SHANK2: variants seen among roughly 807,000 people sequenced by gnomAD.
SHANK2 encodes SH3 and multiple ankyrin repeat domains 2.
A neutral mutation model predicts 133.7 loss-of-function variants in SHANK2; 43 were observed. The ratio of observed to expected loss-of-function variants is 0.32; its 90% CI spans 0.25 to 0.41. The LOEUF is 0.41. Among genes scored for constraint, SHANK2 ranks in the 10% least tolerant of loss-of-function variants. The pLI, the probability that SHANK2 is intolerant of heterozygous loss-of-function variation, is 1.00. For missense variants in SHANK2, 1,994 were observed against 2,235.8 expected (o/e 0.89, Z 2.18); for synonymous variants, 1,017 against 952.8 (o/e 1.07, Z -1.24).
rs548662966 is a variant in SHANK2 at position 71,168,259 on chromosome 11, G to C, written c.-12-20921C>G. Among the ~76,000 whole-genome samples the C allele has an allele frequency of 2.2e-4, 30 of 135,860 alleles. 5 individuals are homozygous for C. The highest frequency in any genetic ancestry group is 8.5e-4 in the African/African-American group (29 of 33,966). 89.1% of individuals were successfully genotyped at this position (135,860 alleles called of 152,430 possible). The stretch of plus-strand genomic sequence containing the variant: ...GGGCAGAGACGCTCCTCACTTCCCA[G>C]ATGGGATGGCGGCTGGGAAGAGGCA... On this transcript the variant is annotated intron_variant, in intron 2 of 25. Coordinates refer to ENST00000601538, the MANE Select transcript of SHANK2 (RefSeq NM_012309.5).
intron 9 of SHANK2, among the ~76,000 whole-genome samples, chr11:71,073,141 T>C (rs1486721491): frequency 1.1e-5 from 1 of 92,594 alleles, no homozygotes; most frequent in Non-Finnish European, 2.6e-5. Context: ...TTTTTCTTTT[T>C]CTTTTCTTTT....
At chr11:70,782,350 C>G (rs1455001828) in intron 14 of SHANK2, among the ~76,000 whole-genome samples, 1 of 152,234 alleles carries the variant, frequency 6.6e-6, no homozygotes, top group East Asian at 1.9e-4. Context: ...AGCCACCGCG[C>G]CCAGCCTTAA....
At chr11:70,563,624 C>T (rs538568715) in intron 17 of SHANK2, among the ~76,000 whole-genome samples, 54 of 149,620 alleles carry the variant, frequency 3.6e-4, no homozygotes, top group African/African-American at 9.1e-4. Flanking sequence ...CCGCAACCTC[C>T]GCCTCCTGGA....
chr11:71,249,261 T>C (rs1484213273), intron 1 of SHANK2, among the ~76,000 whole-genome samples: 1 of 152,150 alleles, frequency 6.6e-6, no homozygotes, highest in Non-Finnish European at 1.5e-5. Context: ...TCTGGAGCGA[T>C]CCTCCCTTCT....
chr11:70,631,408 A>ACACACACCCC (rs1555002113), intron 17 of SHANK2, among the ~76,000 whole-genome samples: 8 of 148,800 alleles, frequency 5.4e-5, no homozygotes, highest in Non-Finnish European at 1.0e-4. Flanking sequence ...ACACACACAC[A>ACACACACCCC]CCCACACAAC....
At chr11:70,919,128 T>C (rs1197920541) in intron 10 of SHANK2, among the ~76,000 whole-genome samples, 2 of 152,154 alleles carry the variant, frequency 1.3e-5, no homozygotes, top group Non-Finnish European at 1.5e-5. Context: ...CACCCCACTA[T>C]ACTCCAGCCC....
intron 3 of SHANK2, among the ~76,000 whole-genome samples, chr11:71,128,391 G>C (rs1221551892): frequency 1.5e-4 from 23 of 152,246 alleles, no homozygotes; most frequent in East Asian, 1.9e-4. Flanking sequence ...CGAGATCTCC[G>C]AGACACAAAC....
At chr11:71,131,462 G>A (rs571511023) in intron 3 of SHANK2, among the ~76,000 whole-genome samples, 3 of 152,150 alleles carry the variant, frequency 2.0e-5, no homozygotes, top group South Asian at 2.1e-4. Flanking sequence ...AACATTTTTC[G>A]CACAGTGAAA....
chr11:71,157,215 C>T (rs1298048379), intron 2 of SHANK2, among the ~76,000 whole-genome samples: 6 of 152,204 alleles, frequency 3.9e-5, no homozygotes, highest in East Asian at 3.8e-4. Context: ...AGGGAAATAA[C>T]GGCTACTTCA....
chr11:71,103,907 C>T lies in SHANK2; in HGVS notation c.592+6034G>A, dbSNP rs536905442. Among the ~76,000 whole-genome samples, 36 of 138,960 alleles carry T rather than the reference C, an allele frequency of 2.6e-4. 1 individual carries two copies. The highest frequency in any genetic ancestry group is 2.4e-3 in the Admixed American group (33 of 13,584). The allele number at this position is 138,960 out of a possible 152,430, so 91.2% of individuals were successfully genotyped here. A position where few individuals can be genotyped will look rare whatever the true frequency, so the allele number is the denominator to read the frequency against. On this transcript the variant is annotated intron_variant, in intron 6 of 25. Coordinates refer to ENST00000601538, the MANE Select transcript of SHANK2 (RefSeq NM_012309.5). ...CTCTCTCTCTCTCCTGCTTTCACCACGGGATGCACCTGCTCCTCTCTCTCT... is the reference window on the plus strand; with the variant it reads ...CTCTCTCTCTCTCCTGCTTTCACCATGGGATGCACCTGCTCCTCTCTCTCT...
intron 14 of SHANK2, among the ~76,000 whole-genome samples, chr11:70,711,961 GA>G (rs1555026240): frequency 6.6e-6 from 1 of 152,204 alleles, no homozygotes; most frequent in Admixed American, 6.5e-5. Context: ...TGCCGGCACA[GA>G]CGACCAGGCT....
chr11:70,940,406 C>T (rs938460283), intron 10 of SHANK2, among the ~76,000 whole-genome samples: 5 of 151,714 alleles, frequency 3.3e-5, no homozygotes, highest in African/African-American at 1.2e-4. Flanking sequence ...GCCACCACGC[C>T]CAGCTAATTA....
chr11:70,829,317 C>A (rs112757766), intron 11 of SHANK2, among the ~76,000 whole-genome samples: 2 of 152,102 alleles, frequency 1.3e-5, no homozygotes, highest in African/African-American at 4.8e-5. Flanking sequence ...CCAGAAAGGA[C>A]CCTCAGCGGC....
chr11:70,643,662 C>T (rs1312179811), intron 17 of SHANK2, among the ~76,000 whole-genome samples: 3 of 151,590 alleles, frequency 2.0e-5, no homozygotes, highest in Admixed American at 1.3e-4. Flanking sequence ...TTGGGAATCA[C>T]GTCGTGGTTG....
At chr11:71,218,990 C>T (rs1954476620) in intron 2 of SHANK2, among the ~76,000 whole-genome samples, 1 of 152,216 alleles carries the variant, frequency 6.6e-6, no homozygotes, top group Non-Finnish European at 1.5e-5. Flanking sequence ...CAGCATCCTA[C>T]ACAGACATCG....
intron 14 of SHANK2, among the ~76,000 whole-genome samples, chr11:70,715,987 C>A (rs782505205): frequency 8.5e-5 from 13 of 152,172 alleles, no homozygotes; most frequent in Non-Finnish European, 1.3e-4. Context: ...TCTGGAGGGG[C>A]CTCACTCTGT....
At chr11:71,108,522 T>C (rs1313908448) in intron 6 of SHANK2, among the ~76,000 whole-genome samples, 1 of 152,108 alleles carries the variant, frequency 6.6e-6, no homozygotes, top group African/African-American at 2.4e-5. Context: ...CTTCTCCAGA[T>C]GTCCCTACCA....
intron 14 of SHANK2, among the ~76,000 whole-genome samples, chr11:70,783,412 C>A (rs1947556674): frequency 6.6e-6 from 1 of 152,110 alleles, no homozygotes; most frequent in Admixed American, 6.5e-5. Flanking sequence ...GACAGAGGGA[C>A]AAATCCCCAG....
At chr11:71,116,953 A>G (rs1951991488) in intron 4 of SHANK2, among the ~76,000 whole-genome samples, 2 of 151,976 alleles carry the variant, frequency 1.3e-5, no homozygotes, top group South Asian at 4.2e-4. Flanking sequence ...CCGGCACCAC[A>G]CTTTCTGTAC....
Sources: allele counts gnomAD v4.1 joint callset (sites outside exome capture counted in the v4.1 genomes callset), GRCh38; gene constraint gnomAD v4.1.1; transcripts MANE v1.5; gene names NCBI Gene and HGNC (gene_info 2026-07-23, HGNC 2026-07-21).